The following SLC44A1 variants were observed in gnomAD, a reference collection of about 807,000 sequenced individuals.
The protein encoded by SLC44A1 is choline transporter-like protein 1.
SLC44A1 carries 26 observed loss-of-function variants against 79.3 expected under a neutral mutation model. That is an observed-to-expected ratio of 0.33 (90% CI 0.24 to 0.46). The LOEUF (loss-of-function observed/expected upper bound fraction) is 0.46. Among genes scored for constraint, SLC44A1 ranks in the 20% least tolerant of loss-of-function variants. The pLI is 1.00. For missense variants in SLC44A1, 688 were observed against 798.1 expected (o/e 0.86, Z 1.66); for synonymous variants, 263 against 286.2 (o/e 0.92, Z 0.82).
chr9:105,399,878 G>T (rs540965434), downstream of SLC44A1, among the ~76,000 whole-genome samples: 1 of 152,164 alleles, frequency 6.6e-6, no homozygotes, highest in African/African-American at 2.4e-5. Flanking sequence ...TGAAAAACTG[G>T]GTTAAGGAGG....
intron 15 of SLC44A1, among the ~76,000 whole-genome samples, chr9:105,420,105 C>CT (rs1304306112): frequency 6.6e-6 from 1 of 152,126 alleles, no homozygotes; most frequent in Admixed American, 6.6e-5. Context: ...TTAGAGTTCT[C>CT]TTTTGTCTGC....
intron 1 of SLC44A1, among the ~76,000 whole-genome samples, chr9:105,264,940 G>T (rs2131219234): frequency 6.6e-6 from 1 of 152,142 alleles, no homozygotes; most frequent in African/African-American, 2.4e-5. Flanking sequence ...GGGATTACAG[G>T]CATGCGCCAC....
chr9:105,345,845 T>G (rs1827231328), intron 4 of SLC44A1, among the ~76,000 whole-genome samples: 1 of 152,154 alleles, frequency 6.6e-6, no homozygotes, highest in Non-Finnish European at 1.5e-5. Flanking sequence ...GGATTGCCTC[T>G]GGTGTGCTTT....
chr9:105,390,150 G>C lies in SLC44A1; in HGVS notation c.*1094G>C. On this transcript the variant is annotated 3_prime_UTR_variant, in exon 16 of 16. Coordinates refer to ENST00000374720, the MANE Select transcript of SLC44A1 (RefSeq NM_080546.5). ...AATTGGCTAATGTTTTGATCCTCCA[G>C]TGTGACTGTTGTTTTTGTTTGGGGG... The C allele has an allele frequency of 8.2e-7, 1 of 1,218,688 alleles. No individual in the cohort carries two copies. The highest frequency in any genetic ancestry group is 1.0e-6 in the Non-Finnish European group (1 of 975,330). 75.5% of individuals were successfully genotyped at this position (1,218,688 alleles called of 1,614,324 possible).
chr9:105,331,430 C>G (rs1030824911), intron 3 of SLC44A1, among the ~76,000 whole-genome samples: 3 of 152,144 alleles, frequency 2.0e-5, no homozygotes, highest in Non-Finnish European at 4.4e-5. Context: ...TCTGGTTTGT[C>G]AATACCATGC....
intron 3 of SLC44A1, among the ~76,000 whole-genome samples, chr9:105,333,674 G>A (rs550877993): frequency 3.3e-5 from 5 of 152,206 alleles, no homozygotes; most frequent in African/African-American, 7.2e-5. Flanking sequence ...GCCGGGTGTG[G>A]TAGTAGGTGC....
At chr9:105,288,628 C>T (rs1830531332) in intron 1 of SLC44A1, among the ~76,000 whole-genome samples, 2 of 152,348 alleles carry the variant, frequency 1.3e-5, no homozygotes, top group South Asian at 4.1e-4. Context: ...GGACTACAGG[C>T]ATGAGCCACC....
At chr9:105,337,739 G>A (rs1432254627) in intron 4 of SLC44A1, among the ~76,000 whole-genome samples, 1 of 152,182 alleles carries the variant, frequency 6.6e-6, no homozygotes, top group Non-Finnish European at 1.5e-5. Context: ...AACCTGAGCT[G>A]TCATCTGGAG....
At chr9:105,417,839 CAA>C (rs146589405) in intron 15 of SLC44A1, among the ~76,000 whole-genome samples, 3,486 of 57,842 alleles carry the variant, frequency 0.06, 30 homozygotes, top group African/African-American at 0.075. Context: ...CTCATCCCTA[CAA>C]AAAAAAAAAA....
At chr9:105,307,867 T>C (rs1831074823) in intron 2 of SLC44A1, among the ~76,000 whole-genome samples, 1 of 152,166 alleles carries the variant, frequency 6.6e-6, no homozygotes, top group Admixed American at 6.5e-5. Context: ...GAGGTGGGAT[T>C]GACTGCCCTG....
chr9:105,379,297 A>G (rs1454739766), intron 13 of SLC44A1, among the ~76,000 whole-genome samples: 7 of 152,142 alleles, frequency 4.6e-5, no homozygotes, highest in Admixed American at 4.6e-4. Context: ...AAATGACAAG[A>G]GTATGGAAAT....
At position 105,365,386 on chromosome 9, in the gene SLC44A1, A is replaced by G. The variant is rs186946235; in HGVS notation, c.1254-97A>G. On this transcript the variant is annotated intron_variant, in intron 10 of 15. Transcript: ENST00000374720. The stretch of plus-strand genomic sequence containing the variant: ...AAGCTAAAATAAGAATGATGAGCTG[A>G]TTTTTTTTTTCACTGCGTTGGACTC... 319 of 830,516 alleles carry G rather than the reference A, an allele frequency of 3.8e-4. No individual in the cohort carries two copies. The African/African-American group carries it at 5.1e-3, about 13-fold the overall frequency. 51.4% of individuals were successfully genotyped at this position (830,516 alleles called of 1,614,324 possible).
chr9:105,319,745 G>T (rs1826326660), intron 3 of SLC44A1, among the ~76,000 whole-genome samples: 2 of 152,132 alleles, frequency 1.3e-5, no homozygotes, highest in Non-Finnish European at 2.9e-5. Flanking sequence ...GAAGTGAAGG[G>T]CAAAGTCCAG....
intron 3 of SLC44A1, among the ~76,000 whole-genome samples, chr9:105,323,937 A>G (rs1300336946): frequency 6.6e-6 from 1 of 152,030 alleles, no homozygotes; most frequent in Non-Finnish European, 1.5e-5. Flanking sequence ...TTTTTTGCCC[A>G]CTGCAGCCAT....
chr9:105,278,370 T>C (rs1214782875), intron 1 of SLC44A1, among the ~76,000 whole-genome samples: 1 of 152,200 alleles, frequency 6.6e-6, no homozygotes, highest in Non-Finnish European at 1.5e-5. Context: ...TGCCTCAGCC[T>C]CCCGAGTAGC....
intron 15 of SLC44A1, among the ~76,000 whole-genome samples, chr9:105,411,190 A>G (rs1193660190): frequency 3.3e-5 from 5 of 152,230 alleles, no homozygotes; most frequent in African/African-American, 7.2e-5. Context: ...ATTTTATGTT[A>G]TATATATTTT....
intron 1 of SLC44A1, among the ~76,000 whole-genome samples, chr9:105,273,804 A>G (rs147647774): frequency 1.3e-5 from 2 of 152,032 alleles, no homozygotes; most frequent in East Asian, 3.9e-4. Context: ...TTCCTCAACA[A>G]TATGTGTCTG....
chr9:105,307,566 C>T lies in SLC44A1; in HGVS notation c.127-2158C>T, dbSNP rs7859745. Among the ~76,000 whole-genome samples the T allele has an allele frequency of 5.3e-3, 810 of 151,716 alleles. 6 individuals are homozygous for T. Among genetic ancestry groups the T allele is most frequent in the African/African-American group, 0.019 (784 of 41,294 alleles). ...GGCTGATGCAGGAGAATCGCTTGAA[C>T]CTGGAAGGCAGAGGTTGCAGTGAGC... On this transcript the variant is annotated intron_variant, in intron 2 of 15. Coordinates refer to ENST00000374720, the MANE Select transcript of SLC44A1 (RefSeq NM_080546.5).
Position 105,392,475 on chromosome 9 carries a change from A to G in SLC44A1, c.*3419A>G. 1.0e-6 allele frequency: 1 copy of G among 961,194 alleles called. No individual in the cohort carries two copies. Among genetic ancestry groups the G allele is most frequent in the South Asian group, 4.8e-5 (1 of 20,734 alleles). The allele number at this position is 961,194 out of a possible 1,614,324, so 59.5% of individuals were successfully genotyped here. A position where few individuals can be genotyped will look rare whatever the true frequency, so the allele number is the denominator to read the frequency against. ...CTGATTGTAAGTTATTTCCAATACC[A>G]CTGATCTTGGTATCTGCCAAGGGCT... On this transcript the variant is annotated 3_prime_UTR_variant, in exon 16 of 16. Transcript: ENST00000374720.
Sources: allele counts gnomAD v4.1 joint callset (sites outside exome capture counted in the v4.1 genomes callset), GRCh38; gene constraint gnomAD v4.1.1; transcripts MANE v1.5; gene names NCBI Gene and HGNC (gene_info 2026-07-23, HGNC 2026-07-21).